The following KIF13B variants were observed in gnomAD, a reference collection of about 807,000 sequenced individuals.
KIF13B encodes kinesin family member 13B, also known as kinesin-like protein KIF13B.
A neutral mutation model predicts 222.0 loss-of-function variants in KIF13B; 127 were observed. The observed-to-expected ratio is 0.57, with a 90% CI of 0.50 to 0.66. The LOEUF is 0.66. KIF13B is among the 30% of genes least tolerant of loss of function. KIF13B has a pLI of 0.00. For missense variants in KIF13B, 2,173 were observed against 2,379.0 expected (o/e 0.91, Z 1.80); for synonymous variants, 976 against 919.0 (o/e 1.06, Z -1.12).
chr8:29,179,420 C>T (rs1037006482), intron 8 of KIF13B, among the ~76,000 whole-genome samples: 2 of 152,200 alleles, frequency 1.3e-5, no homozygotes, highest in South Asian at 2.1e-4. Flanking sequence ...CCTGGGCAAG[C>T]GAGAGCATTA....
chr8:29,160,766 T>A lies in KIF13B; in HGVS notation c.1371A>T (p.Pro457=). The A allele has an allele frequency of 6.2e-7, 1 of 1,613,718 alleles. No homozygotes were observed. The highest frequency in any genetic ancestry group is 1.1e-5 in the South Asian group (1 of 91,058). The change falls in exon 13 of 40, where the codon CCA becomes CCT. Residue 457 remains proline, a synonymous_variant. Transcript: ENST00000524189. The part of the protein sequence containing the change: ...KCFLVNLNAD[P]ALNELLVYYL... ...AGTACACCAGAAGCTCATTCAGAGCTGGGTCAGCATTCAGATTCACAAGGA... is the reference window on the plus strand; with the variant it reads ...AGTACACCAGAAGCTCATTCAGAGCAGGGTCAGCATTCAGATTCACAAGGA...
intron 36 of KIF13B, among the ~76,000 whole-genome samples, chr8:29,093,158 TC>T (rs1808376353): frequency 6.6e-6 from 1 of 152,206 alleles, no homozygotes; most frequent in Non-Finnish European, 1.5e-5. Flanking sequence ...CTCTATCCTG[TC>T]ACTAATTGGC....
chr8:29,100,460 T>C (rs11985675), intron 35 of KIF13B, among the ~76,000 whole-genome samples: 6 of 152,244 alleles, frequency 3.9e-5, no homozygotes, highest in African/African-American at 1.4e-4. Context: ...ATAATCCTAA[T>C]GATTAACTCG....
At chr8:29,209,125 G>C (rs1001210850) in intron 2 of KIF13B, among the ~76,000 whole-genome samples, 1 of 152,210 alleles carries the variant, frequency 6.6e-6, no homozygotes, top group Admixed American at 6.5e-5. Context: ...ACATTAACTT[G>C]CAAGTTTACG....
intron 13 of KIF13B, 111 bp from the exon 14 acceptor site, chr8:29,155,967 TTTA>T: frequency 1.3e-6 from 1 of 762,102 alleles, no homozygotes; most frequent in Non-Finnish European, 2.1e-6. Flanking sequence ...GAAAATTTTT[TTTA>T]TTTTTATTTT....
chr8:29,076,137 A>G (rs1162292168), intron 37 of KIF13B, among the ~76,000 whole-genome samples: 1 of 152,186 alleles, frequency 6.6e-6, no homozygotes, highest in Non-Finnish European at 1.5e-5. Flanking sequence ...GAACCAGAGC[A>G]TCATTCTGTT....
At chr8:29,103,488 C>T (rs192426992) in intron 35 of KIF13B, among the ~76,000 whole-genome samples, 32 of 152,188 alleles carry the variant, frequency 2.1e-4, no homozygotes, top group African/African-American at 7.2e-4. Flanking sequence ...CACACGATAG[C>T]AATAAATAGA....
chr8:29,075,254 T>C, intron 38 of KIF13B, 27 bp downstream of exon 38: 12 of 1,549,352 alleles, frequency 7.7e-6, no homozygotes, highest in Non-Finnish European at 1.0e-5. Flanking sequence ...GTAGGTGGGG[T>C]GGCCACCCGT....
intron 21 of KIF13B, among the ~76,000 whole-genome samples, chr8:29,136,698 C>T (rs968754512): frequency 1.3e-5 from 2 of 151,640 alleles, no homozygotes; most frequent in African/African-American, 4.9e-5. Flanking sequence ...TTCGTTTTCT[C>T]CTAGGTGAAA....
intron 33 of KIF13B, 68 bp from the exon 34 acceptor site, chr8:29,109,579 A>G: frequency 7.9e-7 from 1 of 1,271,972 alleles, no homozygotes; most frequent in Non-Finnish European, 1.1e-6. Context: ...AACACCATGT[A>G]CAGCAGACTT....
At chr8:29,140,950 A>T (rs1434349307) in intron 19 of KIF13B, among the ~76,000 whole-genome samples, 1 of 152,194 alleles carries the variant, frequency 6.6e-6, no homozygotes, top group East Asian at 1.9e-4. Context: ...CCAGAAAAAG[A>T]AGTAGAGTGT....
chr8:29,166,159 A>T (rs938947298), intron 11 of KIF13B, among the ~76,000 whole-genome samples: 1 of 152,226 alleles, frequency 6.6e-6, no homozygotes, highest in African/African-American at 2.4e-5. Context: ...ATATGTACAG[A>T]CTAAATGTGT....
rs952369339 is a variant in KIF13B, at chr8:29,071,267, C to A, written c.5218+353G>T. Among the ~76,000 whole-genome samples the A allele has an allele frequency of 6.6e-6, 1 of 152,086 alleles. No individual in the cohort carries two copies. The highest frequency in any genetic ancestry group is 1.5e-5 in the Non-Finnish European group (1 of 68,012). On this transcript the variant is annotated intron_variant, in intron 39 of 39. Coordinates refer to ENST00000524189, the MANE Select transcript of KIF13B (RefSeq NM_015254.4). This position sits in a 1 kb window ranked among gnomAD's most constrained non-coding sequence, Gnocchi z 4.9. Reference sequence around the variant, plus strand: ...GTGTCCGGATGGGGTGAGGAAGAGCCTCCTGGAACGGCAAAGGGGAGATGC... The same window carrying A: ...GTGTCCGGATGGGGTGAGGAAGAGCATCCTGGAACGGCAAAGGGGAGATGC...
At chr8:29,105,060 G>A (rs561606287) in intron 35 of KIF13B, among the ~76,000 whole-genome samples, 2 of 151,580 alleles carry the variant, frequency 1.3e-5, no homozygotes, top group South Asian at 2.1e-4. Flanking sequence ...TCAAACTCCC[G>A]GGCTCAAGTG....
At chr8:29,128,054 A>C (rs1047966874) in intron 24 of KIF13B, among the ~76,000 whole-genome samples, 1 of 149,952 alleles carries the variant, frequency 6.7e-6, no homozygotes, top group Non-Finnish European at 1.5e-5. Flanking sequence ...GTATCAGTAA[A>C]TATATCAGTA....
At position 29,263,054 on chromosome 8, in the gene KIF13B, T is replaced by C; in HGVS notation, c.-20A>G. On this transcript the variant is annotated 5_prime_UTR_variant, in exon 1 of 40. Transcript: ENST00000524189. ...CCCCATCCTGCAGCCGCCGAGGAAC[T>C]CGTTCGGCTTCCGTCTGCCGCGGCC... 6.4e-7 allele frequency: 1 copy of C among 1,572,804 alleles called. No homozygotes were observed. Among genetic ancestry groups the C allele is most frequent in the Non-Finnish European group, 8.6e-7 (1 of 1,160,452 alleles).
In KIF13B at chr8:29,092,793, G is replaced by A. The variant is rs754749975; in HGVS notation, c.4410C>T (p.Pro1470=). 12 of 1,613,456 alleles carry A rather than the reference G, an allele frequency of 7.4e-6. No homozygotes were observed. The highest frequency in any genetic ancestry group is 6.7e-5 in the Admixed American group (4 of 59,964). ...QMPKLLKSLF[P]VRDEKRGKRP... is the part of the protein sequence containing the mutation. The stretch of plus-strand genomic sequence containing the variant: ...GCTTGCCCCTCTTCTCATCGCGGAC[G>A]GGAAAGAGAGACTTGAGGAGCTTTG... Residue 1470 remains proline (P), a synonymous_variant, in exon 37 of 40, where the codon CCC becomes CCT. Coordinates refer to ENST00000524189, the MANE Select transcript of KIF13B (RefSeq NM_015254.4).
rs75605385 is a variant in KIF13B, at chr8:29,141,457, A to G, written c.2334+700T>C. 2.2e-3 allele frequency among the ~76,000 whole-genome samples: 334 copies of G among 152,354 alleles called. 1 individual carries two copies. The highest frequency in any genetic ancestry group is 7.6e-3 in the African/African-American group (317 of 41,584). On this transcript the variant is annotated intron_variant, in intron 19 of 39. Coordinates refer to ENST00000524189, the MANE Select transcript of KIF13B (RefSeq NM_015254.4). ...CAAACATGTTTTAAGCAAAAACATC[A>G]CCTAACTATAAGAAACATTTTTATT...
chr8:29,155,226 C>T (rs1420139667), intron 14 of KIF13B, among the ~76,000 whole-genome samples: 2 of 152,166 alleles, frequency 1.3e-5, no homozygotes, highest in Non-Finnish European at 2.9e-5. Context: ...TCACAGCCCA[C>T]AGGCAGACAC....
Sources: gnomAD v4.1 joint callset for allele counts (sites outside exome capture counted in the v4.1 genomes callset) on GRCh38, gnomAD v4.1.1 for gene constraint, Gnocchi (gnomAD v3.1) non-coding constraint, MANE v1.5 for transcripts, NCBI Gene and HGNC (gene_info 2026-07-23, HGNC 2026-07-21) for gene names.